Variants in ARHGAP29 observed in about 807,000 individuals in gnomAD.
ARHGAP29 encodes rho GTPase-activating protein 29.
ARHGAP29 carries 43 observed loss-of-function variants against 122.6 expected under a neutral mutation model. The ratio of observed to expected loss-of-function variants is 0.35; its 90% CI spans 0.27 to 0.45. ARHGAP29 has a LOEUF of 0.45. Ranked by LOEUF, ARHGAP29 falls within the 20% of genes least tolerant of loss-of-function variation. The probability of loss-of-function intolerance (pLI) is 1.00; values close to 1 mark genes in which losing one functional copy is unlikely to be tolerated. For missense variants in ARHGAP29, 1,303 were observed against 1,477.2 expected, an observed-to-expected ratio of 0.88 and a Z score of 1.93; for synonymous variants, 506 against 497.1, an observed-to-expected ratio of 1.02 and a Z score of -0.24.
intron 5 of ARHGAP29, among the ~76,000 whole-genome samples, chr1:94,207,567 G>T (rs962081124): frequency 6.6e-6 from 1 of 152,036 alleles, no homozygotes; most frequent in South Asian, 2.1e-4. Context: ...GATAAAATGT[G>T]TAATCTTCTG....
At chr1:94,279,054 T>C (rs1655272687), upstream of ARHGAP29, among the ~76,000 whole-genome samples, 1 of 152,232 alleles carries the variant, frequency 6.6e-6, no homozygotes, top group Admixed American at 6.5e-5. Flanking sequence ...TTGTTATTAA[T>C]CTGGCTAACA....
At chr1:94,263,037 A>G (rs1654623161) in intron 1 of ARHGAP29, among the ~76,000 whole-genome samples, 1 of 152,218 alleles carries the variant, frequency 6.6e-6, no homozygotes, top group African/African-American at 2.4e-5. Flanking sequence ...AATGTGGTAC[A>G]TATATACAAG....
At chr1:94,182,811 T>C (rs1267914353) in intron 19 of ARHGAP29, among the ~76,000 whole-genome samples, 10 of 148,770 alleles carry the variant, frequency 6.7e-5, no homozygotes, top group South Asian at 2.2e-4. Context: ...AACAGGAGAA[T>C]AAAACAAAAC....
chr1:94,185,474 A>G lies in ARHGAP29; in HGVS notation c.1788T>C (p.Asn596=). The change falls in exon 17 of 23, where the codon AAT becomes AAC. Residue 596 remains asparagine, a synonymous_variant. Coordinates refer to ENST00000260526, the MANE Select transcript of ARHGAP29 (RefSeq NM_004815.4). ...ATGTTTTCTTAAATGTTCCAAGGGAATTGGGTCCTTGCAAGAGAAATAATT... is the reference window on the plus strand; with the variant it reads ...ATGTTTTCTTAAATGTTCCAAGGGAGTTGGGTCCTTGCAAGAGAAATAATT... The part of the protein sequence containing the change: ...EPPSPSETGP[N]SLGTFKKTLM... The G allele has an allele frequency of 6.2e-7, 1 of 1,604,042 alleles. No homozygotes were observed. Among genetic ancestry groups the G allele is most frequent in the Non-Finnish European group, 8.5e-7 (1 of 1,176,562 alleles).
chr1:94,228,148 G>A (rs569001111), intron 2 of ARHGAP29, among the ~76,000 whole-genome samples: 15 of 151,762 alleles, frequency 9.9e-5, no homozygotes, highest in African/African-American at 3.4e-4. Context: ...GAGATAAACC[G>A]TATATGTATC....
upstream of ARHGAP29, among the ~76,000 whole-genome samples, chr1:94,241,218 A>G (rs773333334): frequency 1.7e-4 from 26 of 152,378 alleles, no homozygotes; most frequent in Non-Finnish European, 2.8e-4. Flanking sequence ...ATACCCAGAA[A>G]AATCTGGACT....
chr1:94,179,453 G>C (rs1343777607), intron 20 of ARHGAP29, among the ~76,000 whole-genome samples: 2 of 151,824 alleles, frequency 1.3e-5, no homozygotes, highest in East Asian at 3.9e-4. Flanking sequence ...AATTAGCTGG[G>C]CATGGTGGCA....
intron 1 of ARHGAP29, among the ~76,000 whole-genome samples, chr1:94,256,536 CTTTTTTTTTTTTTTTTTTTTTTTT>C (rs530295333): frequency 7.1e-4 from 32 of 45,332 alleles, no homozygotes; most frequent in African/African-American, 2.6e-3. Flanking sequence ...CAGTACTAAT[CTTTTTTTTTTTTTTTTTTTTTTTT>C]TTTTTTTTTT....
intron 12 of ARHGAP29, chr1:94,193,830 T>C (rs998721038): frequency 2.0e-5 from 3 of 152,224 alleles, no homozygotes; most frequent in African/African-American, 4.8e-5. Context: ...AGAGGAAAGA[T>C]GGAACCACTA....
chr1:94,170,873 G>T lies in ARHGAP29; in HGVS notation c.*2996C>A. Among the ~76,000 whole-genome samples the T allele has an allele frequency of 6.6e-6, 1 of 152,010 alleles. No individual in the cohort carries two copies. The highest frequency in any genetic ancestry group is 1.9e-4 in the East Asian group (1 of 5,178). ...GGTAGAGTATTTTGTATTTTTTAAT[G>T]ATATTGAAGAGATCTTTCTAAAAAC... On this transcript the variant is annotated 3_prime_UTR_variant, in exon 23 of 23. Transcript: ENST00000260526.
At chr1:94,190,343 A>T in intron 12 of ARHGAP29, 1 of 313,050 alleles carries the variant, frequency 3.2e-6, no homozygotes, top group Non-Finnish European at 5.8e-6. Flanking sequence ...GACTTCAAAA[A>T]CTCCATGCCC....
intron 1 of ARHGAP29, among the ~76,000 whole-genome samples, chr1:94,252,092 T>A (rs554043058): frequency 1.3e-5 from 2 of 152,338 alleles, no homozygotes; most frequent in African/African-American, 4.8e-5. Context: ...AAAAGATTAA[T>A]TTGTTAACAT....
At chr1:94,266,939 G>C (rs192502985) in intron 1 of ARHGAP29, among the ~76,000 whole-genome samples, 1 of 152,358 alleles carries the variant, frequency 6.6e-6, no homozygotes, top group African/African-American at 2.4e-5. Context: ...TCAATGAGGT[G>C]AAGTGACTTA....
At chr1:94,188,244 T>C (rs1375667383) in intron 15 of ARHGAP29, among the ~76,000 whole-genome samples, 1 of 152,122 alleles carries the variant, frequency 6.6e-6, no homozygotes, top group Non-Finnish European at 1.5e-5. Flanking sequence ...CTGGGGATCA[T>C]GAGATAATCT....
intron 16 of ARHGAP29, among the ~76,000 whole-genome samples, chr1:94,185,901 C>T (rs1649770610): frequency 6.6e-6 from 1 of 152,022 alleles, no homozygotes; most frequent in Non-Finnish European, 1.5e-5. Flanking sequence ...TAAAGCTATC[C>T]TTAATTCACT....
Position 94,178,171 on chromosome 1 carries a change from C to A in ARHGAP29, c.2481-4G>T. 2 of 1,606,336 alleles carry A rather than the reference C, an allele frequency of 1.2e-6. No homozygotes were observed. Among genetic ancestry groups the A allele is most frequent in the Non-Finnish European group, 1.7e-6 (2 of 1,176,154 alleles). On this transcript the variant is annotated splice_polypyrimidine_tract_variant and splice_region_variant and intron_variant, in intron 20 of 22. Coordinates refer to ENST00000260526, the MANE Select transcript of ARHGAP29 (RefSeq NM_004815.4). ...TTCTTCTGCATGATCTACTACCCTG[C>A]AAAGTAGAACACATAAAGTTGTATG...
chr1:94,298,349 A>G, the ARHGAP29 span, among the ~76,000 whole-genome samples: 1 of 152,234 alleles, frequency 6.6e-6, no homozygotes, highest in African/African-American at 2.4e-5. Flanking sequence ...CTAAGTGTTT[A>G]CGGTCTTTCT....
At chr1:94,188,426 C>A (rs1354599567) in intron 15 of ARHGAP29, among the ~76,000 whole-genome samples, 1 of 151,832 alleles carries the variant, frequency 6.6e-6, no homozygotes, top group Non-Finnish European at 1.5e-5. Flanking sequence ...TGGCTACCTA[C>A]ATTCACATAG....
At chr1:94,288,147 C>T in the ARHGAP29 span, among the ~76,000 whole-genome samples, 2 of 152,240 alleles carry the variant, frequency 1.3e-5, no homozygotes, top group Admixed American at 6.5e-5. Context: ...TCCACATCCT[C>T]TCTCGCATCT....
Sources: gnomAD v4.1 joint callset for allele counts (sites outside exome capture counted in the v4.1 genomes callset) on GRCh38, gnomAD v4.1.1 for gene constraint, MANE v1.5 for transcripts, NCBI Gene and HGNC (gene_info 2026-07-23, HGNC 2026-07-21) for gene names.